NXN: variants seen among roughly 807,000 people sequenced by gnomAD.
NXN encodes the protein nucleoredoxin, also known as nucleoredoxin 1.
In NXN, 16 loss-of-function variants were observed where a neutral mutation model predicts 48.6. That is an observed-to-expected ratio of 0.33 (90% CI 0.22 to 0.50). The LOEUF is 0.50. NXN is among the 20% of genes least tolerant of loss of function. The probability of loss-of-function intolerance (pLI) is 0.98; values close to 1 mark genes in which losing one functional copy is unlikely to be tolerated. For missense variants in NXN, 492 were observed against 605.5 expected (o/e 0.81, Z 1.97); for synonymous variants, 281 against 269.6 (o/e 1.04, Z -0.41).
intron 1 of NXN, among the ~76,000 whole-genome samples, chr17:949,941 C>T (rs935411070): frequency 6.6e-6 from 1 of 151,988 alleles, no homozygotes; most frequent in Non-Finnish European, 1.5e-5. Context: ...CGGGGGCTAA[C>T]GGTCAATGCC....
In NXN at chr17:958,956, TACAC is replaced by T. The variant is rs147778678; in HGVS notation, c.360+20359_360+20362del. On this transcript the variant is annotated intron_variant, in intron 1 of 7. Coordinates refer to ENST00000336868, the MANE Select transcript of NXN (RefSeq NM_022463.5). The surrounding 1 kb of genome is among the most constrained non-coding windows in gnomAD (Gnocchi z 6.9). Reference sequence around the variant, plus strand: ...TAAAAAAGAAACACACACACACACATACACACACACACACACGATACGAGTTCTT... The same window carrying T: ...TAAAAAAGAAACACACACACACACATACACACACACACGATACGAGTTCTT... 6 of 165,180 alleles carry T rather than the reference TACAC, an allele frequency of 3.6e-5. No individual in the cohort carries two copies. The highest frequency in any genetic ancestry group is 1.7e-4 in the East Asian group (1 of 6,034). 10.2% of individuals were successfully genotyped at this position (165,180 alleles called of 1,614,324 possible). A position where few individuals can be genotyped will look rare whatever the true frequency, so the allele number is the denominator to read the frequency against.
intron 1 of NXN, among the ~76,000 whole-genome samples, chr17:901,375 T>C (rs1360287031): frequency 6.6e-6 from 1 of 152,178 alleles, no homozygotes; most frequent in African/African-American, 2.4e-5. Context: ...CGCTAGCTCC[T>C]TTCCTCTCCG....
intron 1 of NXN, among the ~76,000 whole-genome samples, chr17:870,050 G>T (rs574457329): frequency 7.9e-5 from 12 of 152,262 alleles, no homozygotes; most frequent in African/African-American, 2.9e-4. Context: ...TTGCGGGGTG[G>T]AGTGTTACTG....
intron 1 of NXN, among the ~76,000 whole-genome samples, chr17:883,522 C>T (rs2068308299): frequency 6.6e-6 from 1 of 152,240 alleles, no homozygotes; most frequent in African/African-American, 2.4e-5. Flanking sequence ...TGGCCAAAAA[C>T]ATGCCAGGCT....
intron 5 of NXN, among the ~76,000 whole-genome samples, chr17:812,915 TAG>T (rs199811789): frequency 8.5e-6 from 1 of 117,840 alleles, no homozygotes; most frequent in Admixed American, 8.5e-5. Flanking sequence ...TGTGTGACTG[TAG>T]GTGTGTGCGT....
chr17:824,604 G>A (rs478444), intron 2 of NXN, among the ~76,000 whole-genome samples: 77,806 of 151,968 alleles, frequency 0.51, 20,934 homozygotes, highest in African/African-American at 0.68. Context: ...AAAATACCAC[G>A]CTCCTGGGCC....
chr17:827,257 T>C (rs1248665696), intron 1 of NXN, among the ~76,000 whole-genome samples: 1 of 151,622 alleles, frequency 6.6e-6, no homozygotes, highest in Non-Finnish European at 1.5e-5. Flanking sequence ...GGTGGGTGGA[T>C]CATGAGGTCA....
chr17:884,615 A>ATCC (rs2144846515), intron 1 of NXN, among the ~76,000 whole-genome samples: 1 of 152,062 alleles, frequency 6.6e-6, no homozygotes, highest in East Asian at 1.9e-4. Context: ...GCTGGGACGG[A>ATCC]TCCTCCTCCT....
At chr17:846,993 T>C (rs1277563845) in intron 1 of NXN, among the ~76,000 whole-genome samples, 1 of 152,172 alleles carries the variant, frequency 6.6e-6, no homozygotes, top group Non-Finnish European at 1.5e-5. Flanking sequence ...AGATGAGGAA[T>C]GTGACTACGT....
At chr17:914,283 C>T (rs2068664832) in intron 1 of NXN, among the ~76,000 whole-genome samples, 1 of 117,644 alleles carries the variant, frequency 8.5e-6, no homozygotes. Context: ...GACTCGCCTA[C>T]CTCAGCCTCC....
chr17:818,147 GCTA>G (rs1567815909), intron 5 of NXN, among the ~76,000 whole-genome samples: 1 of 152,028 alleles, frequency 6.6e-6, no homozygotes, highest in Non-Finnish European at 1.5e-5. Flanking sequence ...TGTAGTCCCA[GCTA>G]CTCGGGAGGC....
At chr17:945,830 C>T (rs1215337680) in intron 1 of NXN, among the ~76,000 whole-genome samples, 1 of 152,122 alleles carries the variant, frequency 6.6e-6, no homozygotes, top group East Asian at 1.9e-4. Flanking sequence ...GTATTCTGCC[C>T]TTCACAGAAG....
At chr17:950,061 C>T (rs2069092166) in intron 1 of NXN, among the ~76,000 whole-genome samples, 1 of 152,170 alleles carries the variant, frequency 6.6e-6, no homozygotes, top group African/African-American at 2.4e-5. Context: ...AAAAAGATTG[C>T]TTAAAAGAAG....
intron 1 of NXN, among the ~76,000 whole-genome samples, chr17:875,148 C>T (rs76752719): frequency 0.098 from 14,818 of 151,950 alleles, 752 homozygotes; most frequent in Middle Eastern, 0.14. Context: ...TCTTGTGCCT[C>T]GGCCTCTGGG....
At position 920,486 on chromosome 17, in the gene NXN, C is replaced by A. The variant is rs76854419; in HGVS notation, c.360+58833G>T. ...GCGTTCTCCTCCCAGGGTTCCGCTC[C>A]CTCCCCAAGTGACCAGCCCTCACCA... On this transcript the variant is annotated intron_variant, in intron 1 of 7. Coordinates refer to ENST00000336868, the MANE Select transcript of NXN (RefSeq NM_022463.5). The surrounding 1 kb of genome is among the most constrained non-coding windows in gnomAD (Gnocchi z 4.6). 9.2e-3 allele frequency among the ~76,000 whole-genome samples: 1,399 copies of A among 152,062 alleles called. 22 individuals are homozygous for A. The highest frequency in any genetic ancestry group is 0.057 in the East Asian group (295 of 5,146).
chr17:962,584 G>T (rs1159446335), intron 1 of NXN, among the ~76,000 whole-genome samples: 1 of 152,126 alleles, frequency 6.6e-6, no homozygotes, highest in African/African-American at 2.4e-5. Flanking sequence ...AATGTGAATT[G>T]TCCCTGAATT....
At chr17:845,490 CCAT>C (rs1448046581) in intron 1 of NXN, among the ~76,000 whole-genome samples, 3 of 152,232 alleles carry the variant, frequency 2.0e-5, no homozygotes, top group African/African-American at 7.2e-5. Context: ...TAGAATCCTA[CCAT>C]CATCACCCTT....
At chr17:951,452 T>C (rs1196397570) in intron 1 of NXN, among the ~76,000 whole-genome samples, 7 of 151,822 alleles carry the variant, frequency 4.6e-5, no homozygotes, top group African/African-American at 1.5e-4. Flanking sequence ...CAGAGGGTAA[T>C]TCTGCAGCCT....
intron 1 of NXN, among the ~76,000 whole-genome samples, chr17:915,177 G>A (rs750367903): frequency 5.9e-5 from 9 of 152,092 alleles, no homozygotes; most frequent in Non-Finnish European, 7.4e-5. Flanking sequence ...CTCGTGATAG[G>A]TCCACCTCAG....
Sources: allele counts gnomAD v4.1 joint callset (sites outside exome capture counted in the v4.1 genomes callset), GRCh38; gene constraint gnomAD v4.1.1; non-coding constraint Gnocchi (gnomAD v3.1); transcripts MANE v1.5; gene names NCBI Gene and HGNC (gene_info 2026-07-23, HGNC 2026-07-21).